ENPEP: variants seen among roughly 807,000 people sequenced by gnomAD.
The protein encoded by ENPEP is glutamyl aminopeptidase, also known as AP-A.
In ENPEP, 103 loss-of-function variants were observed where a neutral mutation model predicts 114.5. That is an observed-to-expected ratio of 0.90 (90% CI 0.77 to 1.06). ENPEP has a LOEUF of 1.06. Ranked by LOEUF, ENPEP falls within the 50% of genes least tolerant of loss-of-function variation. The pLI, the probability that ENPEP is intolerant of heterozygous loss-of-function variation, is 0.00. For missense variants in ENPEP, 1,196 were observed against 1,161.3 expected, an observed-to-expected ratio of 1.03 and a Z score of -0.43; for synonymous variants, 420 against 422.0, an observed-to-expected ratio of 1.00 and a Z score of 0.06.
intron 17 of ENPEP, among the ~76,000 whole-genome samples, chr4:110,551,092 TAAA>T (rs569706672): frequency 7.6e-6 from 1 of 132,320 alleles, no homozygotes; most frequent in Admixed American, 7.7e-5. Context: ...CGTATCTATT[TAAA>T]AAAAAAAAAA....
At chr4:110,552,963 T>C (rs2110398113) in intron 17 of ENPEP, among the ~76,000 whole-genome samples, 1 of 152,276 alleles carries the variant, frequency 6.6e-6, no homozygotes, top group African/African-American at 2.4e-5. Context: ...TGAAGTACTC[T>C]ATTCAATAAA....
intron 4 of ENPEP, among the ~76,000 whole-genome samples, chr4:110,509,057 G>C (rs1237791344): frequency 6.6e-6 from 1 of 152,148 alleles, no homozygotes; most frequent in East Asian, 1.9e-4. Context: ...CAGATATTAT[G>C]TGTAAGACTA....
rs190701417 is a variant in ENPEP, at chr4:110,516,273, G to A, written c.1509+831G>A. On this transcript the variant is annotated intron_variant, in intron 8 of 19. Coordinates refer to ENST00000265162, the MANE Select transcript of ENPEP (RefSeq NM_001977.4). Reference sequence around the variant, plus strand: ...AACATTTCACACATCCCACTTAAGCGTATTATTCCAGGAGATGTTTCTGTT... The same window carrying A: ...AACATTTCACACATCCCACTTAAGCATATTATTCCAGGAGATGTTTCTGTT... 4.1e-4 allele frequency among the ~76,000 whole-genome samples: 62 copies of A among 152,272 alleles called. 1 individual carries two copies. The highest frequency in any genetic ancestry group is 1.1e-3 in the African/African-American group (46 of 41,574).
At chr4:110,525,187 A>T (rs1427711684) in intron 10 of ENPEP, among the ~76,000 whole-genome samples, 1 of 152,248 alleles carries the variant, frequency 6.6e-6, no homozygotes, top group Non-Finnish European at 1.5e-5. Flanking sequence ...ATTTCTGCAT[A>T]ACTAAATCGT....
In ENPEP at chr4:110,491,189, T is replaced by G. The variant is rs781367115; in HGVS notation, c.918+25T>G. On this transcript the variant is annotated intron_variant, in intron 3 of 19. Coordinates refer to ENST00000265162, the MANE Select transcript of ENPEP (RefSeq NM_001977.4). ...TGTGAGTCTCATTATATTTTAAAAATTTACCACCTATGCATTTGTAATTAA... is the reference window on the plus strand; with the variant it reads ...TGTGAGTCTCATTATATTTTAAAAAGTTACCACCTATGCATTTGTAATTAA... 4 of 1,573,472 alleles carry G rather than the reference T, an allele frequency of 2.5e-6. No homozygotes were observed. In the African/African-American group the frequency reaches 5.5e-5, roughly 22 times the overall value.
chr4:110,511,814 A>G (rs1290968594), intron 6 of ENPEP, among the ~76,000 whole-genome samples: 1 of 149,852 alleles, frequency 6.7e-6, no homozygotes, highest in Non-Finnish European at 1.5e-5. Context: ...CCCAGACTGG[A>G]GTGCAGTGGA....
At chr4:110,555,499 C>A (rs1305976861) in intron 18 of ENPEP, among the ~76,000 whole-genome samples, 2 of 151,916 alleles carry the variant, frequency 1.3e-5, no homozygotes, top group Non-Finnish European at 2.9e-5. Context: ...AACTGATGGC[C>A]ACACTGCTAA....
intron 1 of ENPEP, 102 bp downstream of exon 1, chr4:110,477,160 T>A (rs1346741094): frequency 7.0e-7 from 1 of 1,427,870 alleles, no homozygotes; most frequent in Non-Finnish European, 9.4e-7. Context: ...TTTGTTGGTC[T>A]GATATTGATC....
chr4:110,479,362 G>T (rs1724227053), intron 1 of ENPEP, among the ~76,000 whole-genome samples: 1 of 152,070 alleles, frequency 6.6e-6, no homozygotes, highest in Non-Finnish European at 1.5e-5. Flanking sequence ...TCTAGAAGAA[G>T]GCGCATCCTT....
rs1463750516 is a variant in ENPEP, at chr4:110,477,056, C to G, written c.642C>G (p.Val214=). The G allele has an allele frequency of 1.9e-6, 3 of 1,608,402 alleles. No homozygotes were observed. The highest frequency in any genetic ancestry group is 2.2e-5 in the South Asian group (2 of 90,902). Residue 214 remains valine, a splice_region_variant and synonymous_variant, in exon 1 of 20, where the codon GTC becomes GTG. Transcript: ENST00000265162. ...CCACCTACACGGAGAACGGACAAGTCAAGTAAATATTAATTTTTGCTTTAC... is the reference window on the plus strand; with the variant it reads ...CCACCTACACGGAGAACGGACAAGTGAAGTAAATATTAATTTTTGCTTTAC... ...YRTTYTENGQ[V]KSIVATDHEP...
chr4:110,535,246 T>C lies in ENPEP; in HGVS notation c.1807+3969T>C, dbSNP rs116172005. Reference sequence around the variant, plus strand: ...GTGCGGACTCTACAATAGCTGTTTTTGCAACTCTTACTTCCAGATTTGAGG... The same window carrying C: ...GTGCGGACTCTACAATAGCTGTTTTCGCAACTCTTACTTCCAGATTTGAGG... On this transcript the variant is annotated intron_variant, in intron 11 of 19. Transcript: ENST00000265162. Among the ~76,000 whole-genome samples the C allele has an allele frequency of 8.2e-3, 1,254 of 152,332 alleles. 11 individuals carry two copies. The highest frequency in any genetic ancestry group is 0.029 in the African/African-American group (1,204 of 41,582).
At position 110,476,692 on chromosome 4, in the gene ENPEP, T is replaced by G. The variant is rs1444237973; in HGVS notation, c.278T>G (p.Leu93Arg). The change falls in exon 1 of 20, where the codon CTG (leucine) becomes CGG (arginine). Residue 93 changes from leucine to arginine, a missense_variant. Physicochemically the swap from Leu to Arg is moderately radical, Grantham distance 102 (BLOSUM62 -2). Coordinates refer to ENST00000265162, the MANE Select transcript of ENPEP (RefSeq NM_001977.4). ...AGCGGACAGTGGAAAAACTTTCGAC[T>G]GCCGGACTTCGTCAACCCAGTCCAC... Reference protein sequence around the residue: ...DESGQWKNFRLPDFVNPVHYD... With the variant: ...DESGQWKNFRRPDFVNPVHYD... The G allele has an allele frequency of 6.2e-7, 1 of 1,613,816 alleles. No homozygotes were observed. The highest frequency in any genetic ancestry group is 1.3e-5 in the African/African-American group (1 of 75,054).
At chr4:110,496,472 C>A (rs1006293906) in intron 3 of ENPEP, among the ~76,000 whole-genome samples, 6 of 152,146 alleles carry the variant, frequency 3.9e-5, no homozygotes, top group Non-Finnish European at 5.9e-5. Context: ...TTCGTCAAAT[C>A]TAAGAAATCA....
chr4:110,480,466 G>A (rs1252123323), intron 1 of ENPEP, among the ~76,000 whole-genome samples: 1 of 152,112 alleles, frequency 6.6e-6, no homozygotes, highest in Non-Finnish European at 1.5e-5. Flanking sequence ...CGTCATATGT[G>A]ACGTTTGTAT....
intron 3 of ENPEP, among the ~76,000 whole-genome samples, chr4:110,492,684 A>G (rs1724773117): frequency 6.6e-6 from 1 of 152,246 alleles, no homozygotes; most frequent in Non-Finnish European, 1.5e-5. Context: ...TAATACTGGT[A>G]TGAAAAGGAA....
At chr4:110,521,811 G>T (rs578240932) in intron 10 of ENPEP, among the ~76,000 whole-genome samples, 20 of 151,592 alleles carry the variant, frequency 1.3e-4, no homozygotes, top group African/African-American at 4.8e-4. Context: ...CACACATAGA[G>T]CTAGCAAATA....
intron 3 of ENPEP, among the ~76,000 whole-genome samples, chr4:110,500,418 A>G (rs1226749623): frequency 6.6e-6 from 1 of 152,192 alleles, no homozygotes; most frequent in Non-Finnish European, 1.5e-5. Flanking sequence ...GCTTTGAAAG[A>G]CGACTAATGG....
chr4:110,482,977 C>G (rs1392020706), intron 1 of ENPEP, among the ~76,000 whole-genome samples: 1 of 152,174 alleles, frequency 6.6e-6, no homozygotes, highest in African/African-American at 2.4e-5. Context: ...CCACTGCACT[C>G]TAGCCTGGGT....
At chr4:110,531,400 A>C (rs1445938700) in intron 11 of ENPEP, 123 bp downstream of exon 11, 12 of 705,794 alleles carry the variant, frequency 1.7e-5, no homozygotes, top group Non-Finnish European at 2.0e-5. Context: ...GATCTCTTAA[A>C]TAATTTATTG....
Sources: allele counts gnomAD v4.1 joint callset (sites outside exome capture counted in the v4.1 genomes callset), GRCh38; gene constraint gnomAD v4.1.1; transcripts MANE v1.5; gene names NCBI Gene and HGNC (gene_info 2026-07-23, HGNC 2026-07-21).